PACS1: variants seen among roughly 807,000 people sequenced by gnomAD.
The protein encoded by PACS1 is phosphofurin acidic cluster sorting protein 1.
Under a neutral mutation model 115.0 loss-of-function variants are expected in PACS1, and 24 were observed. That is an observed-to-expected ratio of 0.21 (90% CI 0.15 to 0.29). The LOEUF (loss-of-function observed/expected upper bound fraction) is 0.29. Among genes scored for constraint, PACS1 ranks in the 10% least tolerant of loss-of-function variants. PACS1 has a pLI of 1.00. For missense variants in PACS1, 838 were observed against 1,251.2 expected (o/e 0.67, Z 4.98); for synonymous variants, 453 against 504.5 (o/e 0.90, Z 1.37).
chr11:66,216,862 C>CTTTTTTTTTTTTT, intron 7 of PACS1, 87 bp downstream of exon 7: 1 of 849,840 alleles, frequency 1.2e-6, no homozygotes, highest in Non-Finnish European at 2.0e-6. Context: ...CTAGTGGAGA[C>CTTTTTTTTTTTTT]TTCTTAAAAT....
At chr11:66,167,268 A>G (rs1859627027) in intron 1 of PACS1, among the ~76,000 whole-genome samples, 1 of 147,190 alleles carries the variant, frequency 6.8e-6, no homozygotes, top group Non-Finnish European at 1.5e-5. Flanking sequence ...TTACTGACTT[A>G]TAGTTCTTTC....
chr11:66,219,524 A>C, intron 7 of PACS1: 1 of 671,238 alleles, frequency 1.5e-6, no homozygotes, highest in Non-Finnish European at 2.7e-6. Flanking sequence ...ACCTGGGGAT[A>C]GACATTCCTT....
intron 1 of PACS1, among the ~76,000 whole-genome samples, chr11:66,098,254 A>C (rs1857831742): frequency 6.6e-6 from 1 of 152,178 alleles, no homozygotes; most frequent in Non-Finnish European, 1.5e-5. Context: ...AGTTCTTTAT[A>C]TATGACGGGT....
chr11:66,152,324 C>A (rs1446920903), intron 1 of PACS1, among the ~76,000 whole-genome samples: 1 of 152,148 alleles, frequency 6.6e-6, no homozygotes, highest in Non-Finnish European at 1.5e-5. Context: ...GAAATTATCC[C>A]ATCCAATGAA....
At chr11:66,105,088 A>G (rs1469292123) in intron 1 of PACS1, among the ~76,000 whole-genome samples, 4 of 152,126 alleles carry the variant, frequency 2.6e-5, no homozygotes, top group African/African-American at 9.7e-5. Flanking sequence ...AGTTCAGAAA[A>G]TTGTTTCATT....
intron 1 of PACS1, among the ~76,000 whole-genome samples, chr11:66,120,363 C>G (rs1858410778): frequency 6.6e-6 from 1 of 152,096 alleles, no homozygotes. Context: ...TCCCAAAGTG[C>G]TAGGGTTACA....
chr11:66,146,418 A>T (rs1249836334), intron 1 of PACS1, among the ~76,000 whole-genome samples: 1 of 152,232 alleles, frequency 6.6e-6, no homozygotes, highest in East Asian at 1.9e-4. Flanking sequence ...AACTAAAATT[A>T]AAAATTCACT....
intron 1 of PACS1, among the ~76,000 whole-genome samples, chr11:66,167,241 AT>A (rs1173979557): frequency 6.9e-6 from 1 of 144,526 alleles, no homozygotes; most frequent in Non-Finnish European, 1.5e-5. Flanking sequence ...TTTTCCATTG[AT>A]TTGTCAGTCT....
chr11:66,071,884 T>C (rs192085893), intron 1 of PACS1, among the ~76,000 whole-genome samples: 2 of 152,230 alleles, frequency 1.3e-5, no homozygotes, highest in East Asian at 3.9e-4. Context: ...AATATTGTTT[T>C]ATATATATAT....
At chr11:66,134,580 C>G (rs555935987) in intron 1 of PACS1, among the ~76,000 whole-genome samples, 29 of 151,378 alleles carry the variant, frequency 1.9e-4, no homozygotes, top group African/African-American at 6.3e-4. Context: ...TTTTTTCTCT[C>G]TTAATCTGGC....
At chr11:66,077,551 AC>A (rs746205120) in intron 1 of PACS1, among the ~76,000 whole-genome samples, 24 of 152,304 alleles carry the variant, frequency 1.6e-4, no homozygotes, top group Middle Eastern at 6.8e-3. Flanking sequence ...ACAGAGTAAG[AC>A]CCTGTCTCAA....
intron 1 of PACS1, among the ~76,000 whole-genome samples, chr11:66,092,533 C>G (rs1258026553): frequency 6.6e-6 from 1 of 151,666 alleles, no homozygotes; most frequent in Non-Finnish European, 1.5e-5. Context: ...TTAATTAGAT[C>G]CCATTTGTCA....
At chr11:66,155,206 T>G (rs1859323886) in intron 1 of PACS1, among the ~76,000 whole-genome samples, 1 of 152,238 alleles carries the variant, frequency 6.6e-6, no homozygotes, top group African/African-American at 2.4e-5. Context: ...AACGTTCATG[T>G]GACTTCTGGG....
In PACS1 at chr11:66,213,287, A is replaced by G. The variant is rs370685537; in HGVS notation, c.660+2028A>G. Among the ~76,000 whole-genome samples, 138 of 152,268 alleles carry G rather than the reference A, an allele frequency of 9.1e-4. No homozygotes were observed. In the South Asian group the frequency reaches 0.028, roughly 31 times the overall value. ...TATCATTTTTTTATTTTGATGCACA[A>G]ACTTATCAGATTTGGCCCATGGGAG... On this transcript the variant is annotated intron_variant, in intron 4 of 23. Coordinates refer to ENST00000320580, the MANE Select transcript of PACS1 (RefSeq NM_018026.4).
At chr11:66,092,886 C>T (rs1565103160) in intron 1 of PACS1, among the ~76,000 whole-genome samples, 1 of 152,102 alleles carries the variant, frequency 6.6e-6, no homozygotes, top group Non-Finnish European at 1.5e-5. Flanking sequence ...ATCTATATCT[C>T]TGTTTGGTAC....
chr11:66,086,160 C>T (rs1425570804), intron 1 of PACS1, among the ~76,000 whole-genome samples: 9 of 123,374 alleles, frequency 7.3e-5, no homozygotes, highest in African/African-American at 1.9e-4. Context: ...TTTTTTGAGA[C>T]GGAGTCTCGC....
intron 1 of PACS1, among the ~76,000 whole-genome samples, chr11:66,127,227 GGAA>G (rs1565116770): frequency 6.6e-6 from 1 of 152,204 alleles, no homozygotes; most frequent in Non-Finnish European, 1.5e-5. Flanking sequence ...CTCCCCGAAG[GGAA>G]GGAGGAGGCA....
At chr11:66,095,554 T>G (rs1023942852) in intron 1 of PACS1, among the ~76,000 whole-genome samples, 1 of 152,210 alleles carries the variant, frequency 6.6e-6, no homozygotes, top group African/African-American at 2.4e-5. Context: ...ATCTCCTGGA[T>G]TCAAGTGATT....
chr11:66,197,502 G>A (rs1590812350), intron 2 of PACS1, among the ~76,000 whole-genome samples: 2 of 152,212 alleles, frequency 1.3e-5, no homozygotes, highest in Admixed American at 1.3e-4. Context: ...AAGGAAAATA[G>A]TCCACAACTG....
Sources: allele counts gnomAD v4.1 joint callset (sites outside exome capture counted in the v4.1 genomes callset), GRCh38; gene constraint gnomAD v4.1.1; transcripts MANE v1.5; gene names NCBI Gene and HGNC (gene_info 2026-07-23, HGNC 2026-07-21).